ATF2: variants seen among roughly 807,000 people sequenced by gnomAD.
ATF2 encodes activating transcription factor 2.
Under a neutral mutation model 60.6 loss-of-function variants are expected in ATF2, and 24 were observed. That is an observed-to-expected ratio of 0.40 (90% CI 0.29 to 0.56). ATF2 has a LOEUF of 0.56. ATF2 is among the 20% of genes least tolerant of loss of function. The pLI is 0.54. For missense variants in ATF2, 433 were observed against 607.7 expected (o/e 0.71, Z 3.02); for synonymous variants, 206 against 215.4 (o/e 0.96, Z 0.38).
chr2:175,144,976 T>C (rs910574171), intron 2 of ATF2, among the ~76,000 whole-genome samples: 1 of 152,204 alleles, frequency 6.6e-6, no homozygotes, highest in Admixed American at 6.5e-5. Flanking sequence ...AAGGATGTGC[T>C]AGGTAAGAGT....
intron 4 of ATF2, among the ~76,000 whole-genome samples, chr2:175,124,285 A>T (rs950734240): frequency 6.0e-5 from 9 of 151,160 alleles, no homozygotes; most frequent in South Asian, 2.1e-4. Flanking sequence ...AAAAAGTGAA[A>T]AAAAAAAAGA....
intron 2 of ATF2, among the ~76,000 whole-genome samples, chr2:175,138,705 A>C (rs549675522): frequency 6.6e-6 from 1 of 152,308 alleles, no homozygotes; most frequent in South Asian, 2.1e-4. Context: ...GTCAAGGCCC[A>C]CTTCAAATAA....
chr2:175,155,378 C>T lies in ATF2; in HGVS notation c.-142-4220G>A, dbSNP rs58113302. ...ACACCATTAACCCTCAAGCTTCTGG[C>T]TTTCCCTGTCTTACAAATATTTCTA... On this transcript the variant is annotated intron_variant, in intron 1 of 13. Transcript: ENST00000264110. 1.1e-3 allele frequency among the ~76,000 whole-genome samples: 165 copies of T among 152,334 alleles called. 1 individual carries two copies. The highest frequency in any genetic ancestry group is 3.9e-3 in the African/African-American group (162 of 41,578).
At chr2:175,142,825 CAAGAGA>C (rs1343526148) in intron 2 of ATF2, among the ~76,000 whole-genome samples, 1 of 133,066 alleles carries the variant, frequency 7.5e-6, no homozygotes, top group African/African-American at 3.1e-5. Flanking sequence ...AGCGAGCGAG[CAAGAGA>C]GAGAGTGTGT....
At chr2:175,123,522 C>A (rs1697111371) in intron 4 of ATF2, among the ~76,000 whole-genome samples, 1 of 151,980 alleles carries the variant, frequency 6.6e-6, no homozygotes, top group African/African-American at 2.4e-5. Flanking sequence ...TATCAATTTT[C>A]TTTGCTTGGA....
At chr2:175,082,330 C>T (rs990460338) in intron 12 of ATF2, among the ~76,000 whole-genome samples, 7 of 152,014 alleles carry the variant, frequency 4.6e-5, no homozygotes, top group Non-Finnish European at 2.9e-5. Flanking sequence ...AATCAAAGTA[C>T]AAAAGGTAAA....
Position 175,074,554 on chromosome 2 carries a change from T to G in ATF2, c.*55A>C, listed in dbSNP as rs937145008. Reference sequence around the variant, plus strand: ...TAAATGGAAACTGGTCTTTCCTTGATTTCCCTTTGAAGTCACTAATGAGTA... The same window carrying G: ...TAAATGGAAACTGGTCTTTCCTTGAGTTCCCTTTGAAGTCACTAATGAGTA... On this transcript the variant is annotated 3_prime_UTR_variant, in exon 14 of 14. Coordinates refer to ENST00000264110, the MANE Select transcript of ATF2 (RefSeq NM_001880.4). 6.6e-7 allele frequency: 1 copy of G among 1,520,050 alleles called. No homozygotes were observed. Among genetic ancestry groups the G allele is most frequent in the Non-Finnish European group, 8.9e-7 (1 of 1,128,390 alleles). The allele number at this position is 1,520,050 out of a possible 1,614,324, so 94.2% of individuals were successfully genotyped here.
intron 4 of ATF2, among the ~76,000 whole-genome samples, chr2:175,129,180 T>C (rs1214209458): frequency 1.3e-5 from 2 of 152,130 alleles, no homozygotes; most frequent in Non-Finnish European, 2.9e-5. Context: ...TAACATAACA[T>C]GGAGAAATAT....
At chr2:175,107,933 G>A (rs1244693724) in intron 10 of ATF2, among the ~76,000 whole-genome samples, 4 of 152,150 alleles carry the variant, frequency 2.6e-5, no homozygotes, top group Non-Finnish European at 4.4e-5. Context: ...CCACCTCCCA[G>A]CCGCCTGCCT....
intron 11 of ATF2, among the ~76,000 whole-genome samples, chr2:175,093,825 A>ATT (rs1484684497): frequency 2.0e-5 from 3 of 152,136 alleles, no homozygotes; most frequent in Non-Finnish European, 2.9e-5. Flanking sequence ...AGTTTGTGAA[A>ATT]TTTAGGGTCA....
chr2:175,142,835 AGT>A (rs554677403), intron 2 of ATF2, among the ~76,000 whole-genome samples: 45 of 140,390 alleles, frequency 3.2e-4, no homozygotes, highest in African/African-American at 9.4e-4. Context: ...CAAGAGAGAG[AGT>A]GTGTGTGTGT....
At chr2:175,151,555 T>G (rs563021664) in intron 1 of ATF2, among the ~76,000 whole-genome samples, 75 of 152,276 alleles carry the variant, frequency 4.9e-4, no homozygotes, top group South Asian at 1.9e-3. Flanking sequence ...ATTAACAGTT[T>G]TTCTTATGTC....
chr2:175,088,447 T>C (rs1694314592), intron 12 of ATF2, among the ~76,000 whole-genome samples: 2 of 152,126 alleles, frequency 1.3e-5, no homozygotes, highest in African/African-American at 2.4e-5. Flanking sequence ...AATAAAACCT[T>C]TTCCACATCA....
chr2:175,093,019 T>C (rs1694665751), intron 12 of ATF2, 42 bp downstream of exon 12: 5 of 1,583,026 alleles, frequency 3.2e-6, no homozygotes, highest in Admixed American at 3.7e-5. Flanking sequence ...TTCACAATTA[T>C]TAAAAAAGAA....
chr2:175,164,184 T>A (rs1231215487), intron 1 of ATF2, among the ~76,000 whole-genome samples: 1 of 149,222 alleles, frequency 6.7e-6, no homozygotes, highest in African/African-American at 2.4e-5. Context: ...AATGAATACA[T>A]ATTTATTTAT....
intron 1 of ATF2, among the ~76,000 whole-genome samples, chr2:175,166,708 C>A (rs1013216668): frequency 3.9e-5 from 6 of 152,164 alleles, no homozygotes; most frequent in Non-Finnish European, 8.8e-5. Context: ...ATTTAAAGAT[C>A]AGAACGGCTG....
Position 175,167,307 on chromosome 2 carries a change from T to C in ATF2, c.-143+743A>G, listed in dbSNP as rs1270932414. On this transcript the variant is annotated intron_variant, in intron 1 of 13. Coordinates refer to ENST00000264110, the MANE Select transcript of ATF2 (RefSeq NM_001880.4). ...TTATTTCTTTACATACGCTCTGCTG[T>C]CCACCCAGAGATTTAAAAAAAAAAA... Among the ~76,000 whole-genome samples the C allele has an allele frequency of 3.3e-5, 5 of 151,424 alleles. No individual in the cohort carries two copies. In the East Asian group the frequency reaches 9.7e-4, roughly 29 times the overall value.
intron 7 of ATF2, 47 bp downstream of exon 7, chr2:175,117,943 T>C (rs770519882): frequency 1.6e-5 from 24 of 1,523,028 alleles, no homozygotes; most frequent in Non-Finnish European, 2.0e-5. Context: ...AAACTTTATT[T>C]GGGTACTGTT....
intron 1 of ATF2, among the ~76,000 whole-genome samples, chr2:175,157,301 C>T (rs1375676762): frequency 1.3e-5 from 2 of 152,276 alleles, no homozygotes; most frequent in East Asian, 1.9e-4. Context: ...TTCCAAACAG[C>T]AGTAATAGGA....
Sources: gnomAD v4.1 joint callset for allele counts (sites outside exome capture counted in the v4.1 genomes callset) on GRCh38, gnomAD v4.1.1 for gene constraint, MANE v1.5 for transcripts, NCBI Gene and HGNC (gene_info 2026-07-23, HGNC 2026-07-21) for gene names.